Variants in ZFHX3 observed in about 807,000 individuals in gnomAD.
ZFHX3 encodes zinc finger homeobox protein 3.
ZFHX3 carries 42 observed loss-of-function variants against 279.1 expected under a neutral mutation model. That is an observed-to-expected ratio of 0.15 (90% CI 0.12 to 0.19). The LOEUF (loss-of-function observed/expected upper bound fraction) is 0.19, where lower values mean the gene tolerates loss of function less well. Among genes scored for constraint, ZFHX3 ranks in the 10% least tolerant of loss-of-function variants. The probability of loss-of-function intolerance (pLI) is 1.00; values close to 1 mark genes in which losing one functional copy is unlikely to be tolerated. For missense variants in ZFHX3, 4,981 were observed against 4,754.0 expected, an observed-to-expected ratio of 1.05 and a Z score of -1.40; for synonymous variants, 2,293 against 1,957.8, an observed-to-expected ratio of 1.17 and a Z score of -4.52.
chr16:73,347,434 G>A (rs1342422014), intron 3 of ZFHX3, among the ~76,000 whole-genome samples: 1 of 152,224 alleles, frequency 6.6e-6, no homozygotes, highest in Non-Finnish European at 1.5e-5. Flanking sequence ...TGTTCCATCT[G>A]GGGCATCAGG....
intron 1 of ZFHX3, among the ~76,000 whole-genome samples, chr16:73,704,577 C>G (rs1380153356): frequency 4.6e-5 from 7 of 152,164 alleles, no homozygotes; most frequent in African/African-American, 1.7e-4. Flanking sequence ...TTGTTCCTGC[C>G]TTGTCATTTA....
chr16:73,634,640 C>T (rs1479704059), intron 2 of ZFHX3, among the ~76,000 whole-genome samples: 2 of 151,838 alleles, frequency 1.3e-5, no homozygotes, highest in Non-Finnish European at 2.9e-5. Context: ...ACATCAGTAT[C>T]TTCTTCATAG....
chr16:73,349,646 CTCT>C (rs2016190976), intron 3 of ZFHX3, among the ~76,000 whole-genome samples: 1 of 34,160 alleles, frequency 2.9e-5, no homozygotes, highest in Non-Finnish European at 9.0e-5. Context: ...CCCTCCCTCC[CTCT>C]CTCCCTCCTT....
intron 2 of ZFHX3, among the ~76,000 whole-genome samples, chr16:73,560,173 G>T (rs2020348539): frequency 6.6e-6 from 1 of 152,174 alleles, no homozygotes; most frequent in African/African-American, 2.4e-5. Context: ...GTCATAAGAT[G>T]CTGAAGATTT....
At chr16:73,130,620 T>G (rs1966662612) in intron 7 of ZFHX3, among the ~76,000 whole-genome samples, 1 of 152,180 alleles carries the variant, frequency 6.6e-6, no homozygotes, top group Non-Finnish European at 1.5e-5. Flanking sequence ...CAATAGTTTG[T>G]TTTTAAGATG....
In ZFHX3 at chr16:73,252,641, C is replaced by T. The variant is rs765785262; in HGVS notation, c.-1104+4406G>A. ...TTCAAAAGCTCAGGGTGGGAGGAGA[C>T]GGGCTACGGCTGAGTGTTCGGTGAG... On this transcript the variant is annotated intron_variant, in intron 5 of 17. Coordinates refer to the ZFHX3 transcript ENST00000641206. 7.2e-5 allele frequency among the ~76,000 whole-genome samples: 11 copies of T among 152,008 alleles called. No individual in the cohort carries two copies. In the South Asian group the frequency reaches 8.3e-4, roughly 11 times the overall value.
chr16:73,777,537 A>G (rs1195202163), intron 1 of ZFHX3, among the ~76,000 whole-genome samples: 3 of 136,080 alleles, frequency 2.2e-5, no homozygotes, highest in African/African-American at 8.0e-5. Flanking sequence ...AAAAAAGCTT[A>G]GTTAAATCTA....
intron 7 of ZFHX3, among the ~76,000 whole-genome samples, chr16:73,108,155 C>T (rs1052482421): frequency 1.3e-5 from 2 of 151,830 alleles, no homozygotes; most frequent in Admixed American, 6.6e-5. Flanking sequence ...AGCAAGATTC[C>T]ATCTCAAATA....
chr16:73,535,061 G>T (rs1038246499), intron 2 of ZFHX3, among the ~76,000 whole-genome samples: 1 of 152,006 alleles, frequency 6.6e-6, no homozygotes, highest in Admixed American at 6.6e-5. Context: ...AAAAAACTTT[G>T]ATTTGTAGTG....
intron 5 of ZFHX3, among the ~76,000 whole-genome samples, chr16:73,212,853 T>C (rs1194110793): frequency 6.6e-6 from 1 of 152,222 alleles, no homozygotes; most frequent in Non-Finnish European, 1.5e-5. Flanking sequence ...TAAGTGACTT[T>C]TTTGTGTGTG....
intron 4 of ZFHX3, among the ~76,000 whole-genome samples, chr16:73,306,525 G>A (rs1420289051): frequency 6.6e-6 from 1 of 152,146 alleles, no homozygotes; most frequent in African/African-American, 2.4e-5. Flanking sequence ...GTTTCACCAT[G>A]TTGGCCAGGC....
At chr16:73,517,191 AT>A (rs1377844000) in intron 2 of ZFHX3, among the ~76,000 whole-genome samples, 1 of 152,176 alleles carries the variant, frequency 6.6e-6, no homozygotes, top group African/African-American at 2.4e-5. Flanking sequence ...TCTACCGTCC[AT>A]CACCTTCAAC....
At position 73,698,908 on chromosome 16, in the gene ZFHX3, T is replaced by C. The variant is rs564842140; in HGVS notation, c.-1607-18668A>G. 1.5e-4 allele frequency among the ~76,000 whole-genome samples: 23 copies of C among 152,266 alleles called. No homozygotes were observed. The South Asian group carries it at 4.6e-3, about 30-fold the overall frequency. On this transcript the variant is annotated intron_variant, in intron 1 of 17. Transcript: ENST00000641206. Reference sequence around the variant, plus strand: ...TGTTTGTTTGTTTGTTTTTCTGAGATGGGGTCTTCCTCTGTAGCCAGGCTG... The same window carrying C: ...TGTTTGTTTGTTTGTTTTTCTGAGACGGGGTCTTCCTCTGTAGCCAGGCTG...
chr16:72,876,695 T>C (rs1388226823), intron 4 of ZFHX3, among the ~76,000 whole-genome samples: 1 of 152,252 alleles, frequency 6.6e-6, no homozygotes, highest in Non-Finnish European at 1.5e-5. Flanking sequence ...TGGTCCAATC[T>C]GGAAGAAAAC....
intron 3 of ZFHX3, among the ~76,000 whole-genome samples, chr16:73,404,464 C>T (rs917481884): frequency 5.9e-5 from 9 of 152,166 alleles, no homozygotes; most frequent in Non-Finnish European, 8.8e-5. Context: ...GCTCCAAGTT[C>T]GTGCAGTGTT....
chr16:73,735,435 G>T (rs963526947), intron 1 of ZFHX3, among the ~76,000 whole-genome samples: 2 of 149,668 alleles, frequency 1.3e-5, no homozygotes, highest in Non-Finnish European at 3.0e-5. Context: ...CCCAGTCCTT[G>T]GTAACCGCCA....
intron 1 of ZFHX3, among the ~76,000 whole-genome samples, chr16:73,755,291 C>T (rs992507): frequency 0.66 from 100,226 of 151,942 alleles, 33,821 homozygotes; most frequent in African/African-American, 0.73. Context: ...TTGGATATAA[C>T]GACATATATA....
chr16:73,762,340 C>T (rs1024384189), intron 1 of ZFHX3, among the ~76,000 whole-genome samples: 1 of 152,100 alleles, frequency 6.6e-6, no homozygotes, highest in African/African-American at 2.4e-5. Context: ...ACAACAGATG[C>T]TGAAGAGGCT....
At chr16:73,867,003 G>C (rs536766078) in intron 1 of ZFHX3, among the ~76,000 whole-genome samples, 4 of 152,116 alleles carry the variant, frequency 2.6e-5, no homozygotes, top group African/African-American at 9.6e-5. Flanking sequence ...GGCATCTCAC[G>C]TCGTCTTGTG....
Sources: gnomAD v4.1 joint callset for allele counts (sites outside exome capture counted in the v4.1 genomes callset) on GRCh38, gnomAD v4.1.1 for gene constraint, MANE v1.5 for transcripts, NCBI Gene and HGNC (gene_info 2026-07-23, HGNC 2026-07-21) for gene names.